CFAP74: variants seen among roughly 807,000 people sequenced by gnomAD.
The protein encoded by CFAP74 is cilia- and flagella-associated protein 74.
Under a neutral mutation model 188.9 loss-of-function variants are expected in CFAP74, and 124 were observed. The observed-to-expected ratio is 0.66, with a 90% CI of 0.57 to 0.76. The LOEUF (loss-of-function observed/expected upper bound fraction) is 0.76, where lower values mean the gene tolerates loss of function less well. Ranked by LOEUF, CFAP74 falls within the 30% of genes least tolerant of loss-of-function variation. The probability of loss-of-function intolerance (pLI) is 0.00; values close to 1 mark genes in which losing one functional copy is unlikely to be tolerated. For missense variants in CFAP74, 2,198 were observed against 2,165.2 expected (o/e 1.02, Z -0.30); for synonymous variants, 956 against 916.7 (o/e 1.04, Z -0.77).
Position 1,956,769 on chromosome 1 carries a change from C to T in CFAP74, c.1867G>A (p.Glu623Lys), listed in dbSNP as rs778413808. ...ACGTAGCTGCCGAAGTCAATGAGCT[C>T]CTTGTCGAGGGACAGCTGCCAGAGG... Reference protein sequence around the residue: ...TKKCSLSLDKELIDFGSYVVG... With the variant: ...TKKCSLSLDKKLIDFGSYVVG... The change falls in exon 17 of 39, where the codon GAG becomes AAG. Residue 623 changes from glutamate (E) to lysine (K), a missense_variant. Coordinates refer to ENST00000682832, the MANE Select transcript of CFAP74 (RefSeq NM_001304360.2). 6.8e-6 allele frequency: 11 copies of T among 1,613,042 alleles called. No homozygotes were observed. The highest frequency in any genetic ancestry group is 9.3e-6 in the Non-Finnish European group (11 of 1,179,514).
At chr1:1,941,228 AG>A (rs1337936571) in intron 22 of CFAP74, among the ~76,000 whole-genome samples, 2 of 152,224 alleles carry the variant, frequency 1.3e-5, no homozygotes, top group Non-Finnish European at 2.9e-5. Flanking sequence ...GCCGATTTTA[AG>A]CTCAGCTCCG....
rs142903031 is a variant in CFAP74 at position 1,954,716 on chromosome 1, G to A, written c.2176+975C>T. The A allele has an allele frequency of 1.6e-3, 1,305 of 821,640 alleles. 15 individuals carry two copies. In the African/African-American group the frequency reaches 0.023, roughly 15 times the overall value. The allele number at this position is 821,640 out of a possible 1,614,324, so 50.9% of individuals were successfully genotyped here. On this transcript the variant is annotated intron_variant, in intron 18 of 38. Coordinates refer to ENST00000682832, the MANE Select transcript of CFAP74 (RefSeq NM_001304360.2). Reference sequence around the variant, plus strand: ...GAGGATTGCTTGAGCCCGGGAGGTCGAGGCTGCAGTGAGCTGTGACTGCAC... The same window carrying A: ...GAGGATTGCTTGAGCCCGGGAGGTCAAGGCTGCAGTGAGCTGTGACTGCAC...
chr1:1,967,681 C>T (rs1035123549), intron 11 of CFAP74, among the ~76,000 whole-genome samples: 58 of 152,186 alleles, frequency 3.8e-4, no homozygotes, highest in Non-Finnish European at 7.3e-4. Flanking sequence ...TTCTCTTTCC[C>T]AGCAGGGCAT....
chr1:1,938,088 C>A (rs983065798), intron 25 of CFAP74, among the ~76,000 whole-genome samples: 2 of 149,590 alleles, frequency 1.3e-5, no homozygotes, highest in Non-Finnish European at 3.0e-5. Context: ...CACGCACTCA[C>A]ACTCAACCTT....
Position 1,955,011 on chromosome 1 carries a change from T to TC in CFAP74, c.2176+679_2176+680insG, listed in dbSNP as rs1037451202. 2.5e-5 allele frequency: 28 copies of TC among 1,110,888 alleles called. No homozygotes were observed. The African/African-American group carries it at 6.5e-4, about 26-fold the overall frequency. 68.8% of individuals were successfully genotyped at this position (1,110,888 alleles called of 1,614,324 possible). A position where few individuals can be genotyped will look rare whatever the true frequency, so the allele number is the denominator to read the frequency against. ...CAGGAAAGGAAACGCCACGCAGTGG[T>TC]GAGGACAGGAAGTGCGGCTCACACC... On this transcript the variant is annotated intron_variant, in intron 18 of 38. Transcript: ENST00000682832.
chr1:1,956,916 A>G (rs965163288), intron 16 of CFAP74, 132 bp from the exon 17 acceptor site: 8 of 882,850 alleles, frequency 9.1e-6, no homozygotes, highest in African/African-American at 8.4e-5. Context: ...ACAAGCAGGT[A>G]CACGATTCAA....
intron 23 of CFAP74, 150 bp downstream of exon 23, chr1:1,940,166 C>T: frequency 1.5e-6 from 1 of 661,092 alleles, no homozygotes; most frequent in East Asian, 2.7e-5. Flanking sequence ...TCCCAGCAGG[C>T]AAGCCCCTCT....
Position 1,971,968 on chromosome 1 carries a change from GCGGGGGCCTACC to G in CFAP74, c.888_888+11del, listed in dbSNP as rs781061467. 6.2e-7 allele frequency: 1 copy of G among 1,600,684 alleles called. No individual in the cohort carries two copies. Among genetic ancestry groups the G allele is most frequent in the Non-Finnish European group, 8.5e-7 (1 of 1,174,554 alleles). ...GCCAAGGGAGAGGCTGGGTGGGGCTGCGGGGGCCTACCCGGTTCGCGGAGATGCTGCCCTTCA... is the reference window on the plus strand; with the variant it reads ...GCCAAGGGAGAGGCTGGGTGGGGCTGCGGTTCGCGGAGATGCTGCCCTTCA... On this transcript the variant is annotated splice_donor_variant and splice_donor_5th_base_variant and coding_sequence_variant and intron_variant, in exon 9 of 39. Coordinates refer to ENST00000682832, the MANE Select transcript of CFAP74 (RefSeq NM_001304360.2). LOFTEE classifies it high-confidence loss of function.
At chr1:1,955,376 C>T (rs763200191) in intron 18 of CFAP74, 1 of 1,363,720 alleles carries the variant, frequency 7.3e-7, no homozygotes, top group Non-Finnish European at 9.7e-7. Context: ...CCCCGCAGCC[C>T]GGCCCCTCCA....
rs538775038 is a variant in CFAP74, at chr1:1,995,857, G to A, written c.-19-4882C>T. ...CGGGAGGCGGAACTTGCAGTGAGCC[G>A]AGATTGCACCACTGCACTCCAGCCT... On this transcript the variant is annotated intron_variant, in intron 1 of 38. Transcript: ENST00000682832. 2.1e-4 allele frequency among the ~76,000 whole-genome samples: 32 copies of A among 152,050 alleles called. No homozygotes were observed. In the South Asian group the frequency reaches 5.0e-3, roughly 24 times the overall value.
chr1:1,926,405 C>T (rs1378241700), intron 31 of CFAP74, 52 bp downstream of exon 31: 4 of 1,550,112 alleles, frequency 2.6e-6, no homozygotes, highest in African/African-American at 2.7e-5. Flanking sequence ...CACGCCCTCC[C>T]CGGTCCCCGC....
rs192325938 is a variant in CFAP74, at chr1:1,925,764, G to A, written c.4104+19C>T. ...TCCTGGGAGGCTGGAGCCAGCACCA[G>A]GGCCCACGTGTGCTTCACCTTGAAG... On this transcript the variant is annotated intron_variant, in intron 33 of 38. Coordinates refer to ENST00000682832, the MANE Select transcript of CFAP74 (RefSeq NM_001304360.2). 21 of 1,602,868 alleles carry A rather than the reference G, an allele frequency of 1.3e-5. No homozygotes were observed. In the Admixed American group the frequency reaches 3.0e-4, roughly 23 times the overall value.
rs1006151040 is a variant in CFAP74 at position 1,972,419 on chromosome 1, TGGAGG to T, written c.786-342_786-338del. 8.6e-4 allele frequency among the ~76,000 whole-genome samples: 131 copies of T among 152,248 alleles called. 1 individual carries two copies. Among genetic ancestry groups the T allele is most frequent in the African/African-American group, 2.9e-3 (121 of 41,468 alleles). On this transcript the variant is annotated intron_variant, in intron 8 of 38. Transcript: ENST00000682832. ...ATGACGACATGGTGGGAACATGCCC[TGGAGG>T]GCCAGGCCACGAGGACATGGCGGGA...
chr1:1,932,862 G>C (rs913254154), intron 25 of CFAP74, among the ~76,000 whole-genome samples: 2 of 150,068 alleles, frequency 1.3e-5, no homozygotes, highest in African/African-American at 2.5e-5. Context: ...CAAGTGTTGG[G>C]ATTACAGGTG....
intron 13 of CFAP74, among the ~76,000 whole-genome samples, chr1:1,964,489 C>T (rs910912691): frequency 2.6e-5 from 4 of 152,166 alleles, no homozygotes; most frequent in African/African-American, 4.8e-5. Context: ...GGTTTTCCAG[C>T]GTTAAAAAGC....
rs1386307284 is a variant in CFAP74 at position 1,968,797 on chromosome 1, C to T, written c.1083G>A (p.Glu361=). 1 of 1,613,996 alleles carries T rather than the reference C, an allele frequency of 6.2e-7. No individual in the cohort carries two copies. Among genetic ancestry groups the T allele is most frequent in the African/African-American group, 1.3e-5 (1 of 74,922 alleles). The change falls in exon 11 of 39, where the codon GAG becomes GAA. Residue 361 remains glutamate, a synonymous_variant. Coordinates refer to ENST00000682832, the MANE Select transcript of CFAP74 (RefSeq NM_001304360.2). This position sits in a 1 kb window ranked among gnomAD's most constrained non-coding sequence, Gnocchi z 4.3. ...FEEEQKLRKQ[E]IISRILKEEA... ...CCTCTTTCAGAATCCGACTGATGATCTCCTGCTTTCTGAGCTTCTGCTCCT... is the reference window on the plus strand; with the variant it reads ...CCTCTTTCAGAATCCGACTGATGATTTCCTGCTTTCTGAGCTTCTGCTCCT...
chr1:1,948,960 C>CCTT (rs1553223850), intron 18 of CFAP74, among the ~76,000 whole-genome samples: 3 of 76,338 alleles, frequency 3.9e-5, no homozygotes, highest in Non-Finnish European at 6.0e-5. Flanking sequence ...CTCCCTTACT[C>CCTT]CCTTCCTTCC....
chr1:1,949,536 AAAATGGACTCTTCTTAGTGG>A (rs1654075313), intron 18 of CFAP74, among the ~76,000 whole-genome samples: 1 of 119,846 alleles, frequency 8.3e-6, no homozygotes, highest in East Asian at 2.5e-4. Flanking sequence ...TGCATATAGT[AAAATGGACTCTTCTTAGTGG>A]AACTTTCTTA....
chr1:1,954,900 G>A, intron 18 of CFAP74: 2 of 1,158,416 alleles, frequency 1.7e-6, no homozygotes, highest in Non-Finnish European at 2.1e-6. Flanking sequence ...AAGGGGCAGT[G>A]CAGAACGGCC....
Sources: allele counts gnomAD v4.1 joint callset (sites outside exome capture counted in the v4.1 genomes callset), GRCh38; gene constraint gnomAD v4.1.1; non-coding constraint Gnocchi (gnomAD v3.1); transcripts MANE v1.5; gene names NCBI Gene and HGNC (gene_info 2026-07-23, HGNC 2026-07-21).